The following ANP32A variants were observed in gnomAD, a reference collection of about 807,000 sequenced individuals.
ANP32A encodes the protein acidic nuclear phosphoprotein 32 family member A.
A neutral mutation model predicts 33.9 loss-of-function variants in ANP32A; 1 was observed. The ratio of observed to expected loss-of-function variants is 0.03; its 90% CI spans 0.01 to 0.14. ANP32A has a LOEUF of 0.14. Ranked by LOEUF, ANP32A falls within the 10% of genes least tolerant of loss-of-function variation. ANP32A has a pLI of 1.00. For synonymous variants in ANP32A, 115 were observed against 120.5 expected (o/e 0.95, Z 0.30); for missense variants, 155 against 306.0 (o/e 0.51, Z 3.68).
chr15:68,794,244 T>G (rs1290623470), intron 1 of ANP32A, among the ~76,000 whole-genome samples: 1 of 152,176 alleles, frequency 6.6e-6, no homozygotes, highest in Non-Finnish European at 1.5e-5. Context: ...GTTAGCAGAT[T>G]TGAGTCAACT....
intron 1 of ANP32A, among the ~76,000 whole-genome samples, chr15:68,811,276 C>T (rs72750395): frequency 7.1e-4 from 108 of 152,026 alleles, no homozygotes; most frequent in Non-Finnish European, 1.3e-3. Flanking sequence ...CAGCGCAACA[C>T]GGGATCAATT....
chr15:68,780,158 A>T lies in ANP32A; in HGVS notation c.689-16T>A, dbSNP rs1311260397. The T allele has an allele frequency of 6.2e-7, 1 of 1,613,466 alleles. No homozygotes were observed. The highest frequency in any genetic ancestry group is 8.5e-7 in the Non-Finnish European group (1 of 1,179,670). The stretch of plus-strand genomic sequence containing the variant: ...CTTTCTTCTTCTGGAAAAGTAAGAA[A>T]GCGGCATTTAGATTAGTTATTAATC... On this transcript the variant is annotated splice_polypyrimidine_tract_variant and intron_variant, in intron 6 of 6. Transcript: ENST00000465139. The surrounding 1 kb of genome is among the most constrained non-coding windows in gnomAD (Gnocchi z 4.3).
intron 1 of ANP32A, 22 bp downstream of exon 1, chr15:68,820,676 G>A: frequency 1.9e-6 from 3 of 1,611,198 alleles, no homozygotes; most frequent in Non-Finnish European, 2.5e-6. Flanking sequence ...GACCGACAGA[G>A]ATATTTTTGG....
chr15:68,787,707 G>C, intron 2 of ANP32A, 63 bp downstream of exon 2: 1 of 1,605,218 alleles, frequency 6.2e-7, no homozygotes, highest in South Asian at 1.1e-5. Flanking sequence ...TCTAAACATA[G>C]GTAATAACCC....
At chr15:68,801,018 T>C (rs76111749) in intron 1 of ANP32A, among the ~76,000 whole-genome samples, 4,533 of 151,794 alleles carry the variant, frequency 0.03, 169 homozygotes, top group East Asian at 0.2. Context: ...GGTGGCAGCA[T>C]GAGATTGGGG....
At chr15:68,816,297 G>A (rs758925692) in intron 1 of ANP32A, among the ~76,000 whole-genome samples, 1 of 152,110 alleles carries the variant, frequency 6.6e-6, no homozygotes, top group Non-Finnish European at 1.5e-5. Flanking sequence ...GAGTGTAGAG[G>A]TTGAGTATGC....
chr15:68,820,871 GC>G lies in ANP32A; in HGVS notation c.-121del. 3 of 1,214,982 alleles carry G rather than the reference GC, an allele frequency of 2.5e-6. No homozygotes were observed. The highest frequency in any genetic ancestry group is 3.5e-6 in the Non-Finnish European group (3 of 845,178). The allele number at this position is 1,214,982 out of a possible 1,614,324, so 75.3% of individuals were successfully genotyped here. ...TCAACCAGCTCCGCTCGGTTCTCGA[GC>G]CCCCAGCACCCGCGGCGCACACTAA... On this transcript the variant is annotated 5_prime_UTR_variant, in exon 1 of 7. Coordinates refer to ENST00000465139, the MANE Select transcript of ANP32A (RefSeq NM_006305.4).
At chr15:68,784,618 A>T (rs761994849) in intron 3 of ANP32A, 23 bp from the exon 4 acceptor site, 1 of 1,613,324 alleles carries the variant, frequency 6.2e-7, no homozygotes, top group South Asian at 1.1e-5. Flanking sequence ...AAATGAAGCC[A>T]ACAGTAAGTG....
chr15:68,816,800 C>T (rs556734740), intron 1 of ANP32A, among the ~76,000 whole-genome samples: 1 of 152,244 alleles, frequency 6.6e-6, no homozygotes, highest in South Asian at 2.1e-4. Context: ...ATTCCTAAGC[C>T]CATCTTCATC....
intron 1 of ANP32A, 81 bp from the exon 2 acceptor site, chr15:68,788,000 A>G (rs2140361189): frequency 6.5e-7 from 1 of 1,548,332 alleles, no homozygotes; most frequent in Non-Finnish European, 8.9e-7. Context: ...CTCCTCAGAG[A>G]ACAGGGAGAC....
chr15:68,813,094 T>C (rs1420822020), intron 1 of ANP32A: 1 of 152,230 alleles, frequency 6.6e-6, no homozygotes, highest in Non-Finnish European at 1.5e-5. Flanking sequence ...GAGTAGTAAG[T>C]AAGCTGATCT....
At chr15:68,781,876 T>C (rs564076214) in intron 5 of ANP32A, among the ~76,000 whole-genome samples, 1 of 152,320 alleles carries the variant, frequency 6.6e-6, no homozygotes, top group South Asian at 2.1e-4. Context: ...AGTGCTAGGA[T>C]TACAGGCGTG....
intron 1 of ANP32A, among the ~76,000 whole-genome samples, chr15:68,816,244 T>C (rs1894379708): frequency 6.6e-6 from 1 of 152,148 alleles, no homozygotes; most frequent in Admixed American, 6.5e-5. Context: ...AGCTCTTCCT[T>C]ACAGTATCTT....
chr15:68,803,355 C>A (rs1894164446), intron 1 of ANP32A, among the ~76,000 whole-genome samples: 1 of 152,226 alleles, frequency 6.6e-6, no homozygotes, highest in African/African-American at 2.4e-5. Flanking sequence ...GTGATGGCAG[C>A]AGCAAGGTGT....
intron 1 of ANP32A, among the ~76,000 whole-genome samples, chr15:68,805,141 C>A (rs1894198795): frequency 6.6e-6 from 1 of 152,190 alleles, no homozygotes. Flanking sequence ...GTCTCTCCAG[C>A]CCCCATTCAA....
Position 68,798,126 on chromosome 15 carries a change from G to A in ANP32A, c.55-10207C>T, listed in dbSNP as rs1894086679. ...ATTGAAGCCCAGCTTGGCTGGGACC[G>A]CTTGTGGACTGCGGGAGCTGTCTGC... On this transcript the variant is annotated intron_variant, in intron 1 of 6. Coordinates refer to ENST00000465139, the MANE Select transcript of ANP32A (RefSeq NM_006305.4). Among the ~76,000 whole-genome samples, 3 of 152,234 alleles carry A rather than the reference G, an allele frequency of 2.0e-5. No individual in the cohort carries two copies. The South Asian group carries it at 6.2e-4, about 32-fold the overall frequency.
chr15:68,800,902 G>A (rs1894125732), intron 1 of ANP32A, among the ~76,000 whole-genome samples: 1 of 152,006 alleles, frequency 6.6e-6, no homozygotes, highest in Admixed American at 6.6e-5. Context: ...ACAGAAAGAA[G>A]GAAAAGCCAG....
chr15:68,802,313 ACAAG>A (rs1894147955), intron 1 of ANP32A, among the ~76,000 whole-genome samples: 1 of 152,202 alleles, frequency 6.6e-6, no homozygotes, highest in Non-Finnish European at 1.5e-5. Context: ...TCACACACAT[ACAAG>A]CAAATTCAGA....
At chr15:68,786,652 C>T (rs768776883) in intron 3 of ANP32A, among the ~76,000 whole-genome samples, 3 of 152,182 alleles carry the variant, frequency 2.0e-5, no homozygotes, top group Non-Finnish European at 4.4e-5. Context: ...TTCAGTGACA[C>T]ATCTTACAGC....
Sources: allele counts gnomAD v4.1 joint callset (sites outside exome capture counted in the v4.1 genomes callset), GRCh38; gene constraint gnomAD v4.1.1; non-coding constraint Gnocchi (gnomAD v3.1); transcripts MANE v1.5; gene names NCBI Gene and HGNC (gene_info 2026-07-23, HGNC 2026-07-21).